The following WWC1 variants were observed in gnomAD, a reference collection of about 807,000 sequenced individuals.
The protein encoded by WWC1 is WW and C2 domain containing 1, also known as protein KIBRA.
In WWC1, 55 loss-of-function variants were observed where a neutral mutation model predicts 138.4. The observed-to-expected ratio is 0.40, with a 90% CI of 0.32 to 0.50. WWC1 has a LOEUF of 0.50. Among genes scored for constraint, WWC1 ranks in the 20% least tolerant of loss-of-function variants. WWC1 has a pLI of 0.72. For missense variants in WWC1, 1,226 were observed against 1,420.4 expected (o/e 0.86, Z 2.20); for synonymous variants, 524 against 564.9 (o/e 0.93, Z 1.03).
chr5:168,381,733 CGGGGGGTG>C (rs1017711826), intron 2 of WWC1, among the ~76,000 whole-genome samples: 1 of 142,242 alleles, frequency 7.0e-6, no homozygotes, highest in Non-Finnish European at 1.5e-5. Flanking sequence ...AAGTGTTCTT[CGGGGGGTG>C]GGGTGGGGTT....
chr5:168,364,035 C>T (rs1776097910), intron 1 of WWC1, among the ~76,000 whole-genome samples: 1 of 152,050 alleles, frequency 6.6e-6, no homozygotes, highest in Non-Finnish European at 1.5e-5. Context: ...GTTTGCAACC[C>T]ACATTTATCA....
chr5:168,400,525 C>T (rs941853750), intron 5 of WWC1, among the ~76,000 whole-genome samples: 1 of 152,184 alleles, frequency 6.6e-6, no homozygotes, highest in Non-Finnish European at 1.5e-5. Flanking sequence ...TGCCAGGGAA[C>T]CCCTGCAGTG....
At chr5:168,456,018 G>A (rs574689869) in intron 19 of WWC1, among the ~76,000 whole-genome samples, 58 of 152,242 alleles carry the variant, frequency 3.8e-4, no homozygotes, top group South Asian at 2.5e-3. Flanking sequence ...TTAAAAAGGC[G>A]GCCAGATGCA....
intron 2 of WWC1, among the ~76,000 whole-genome samples, chr5:168,375,250 G>T (rs999055760): frequency 6.6e-6 from 1 of 152,146 alleles, no homozygotes; most frequent in South Asian, 2.1e-4. Flanking sequence ...AGACAACAGA[G>T]GGTGGCAAGA....
At chr5:168,426,495 C>T (rs1781510333) in intron 11 of WWC1, among the ~76,000 whole-genome samples, 1 of 152,212 alleles carries the variant, frequency 6.6e-6, no homozygotes, top group Non-Finnish European at 1.5e-5. Flanking sequence ...TTCATGCCAT[C>T]TCCAGAAGCC....
intron 3 of WWC1, among the ~76,000 whole-genome samples, chr5:168,387,961 T>TAAAAAC (rs1046376750): frequency 3.9e-5 from 6 of 152,288 alleles, no homozygotes; most frequent in African/African-American, 1.2e-4. Flanking sequence ...CAGGTGTATA[T>TAAAAAC]AAAAACAAAA....
intron 3 of WWC1, 94 bp downstream of exon 3, chr5:168,385,508 C>T: frequency 3.2e-6 from 4 of 1,266,600 alleles, no homozygotes; most frequent in Non-Finnish European, 4.4e-6. Context: ...CTGCCCATTT[C>T]TCTTCACCTC....
At position 168,472,294 on chromosome 5, in the gene WWC1, T is replaced by A. The variant is rs192838450; in HGVS notation, c.*3277T>A. ...GAGAAATTTAAAAATAAATAAATGT[T>A]CACTTATAATTGTGCATGTGTCTTT... On this transcript the variant is annotated 3_prime_UTR_variant, in exon 23 of 23. Coordinates refer to ENST00000265293, the MANE Select transcript of WWC1 (RefSeq NM_015238.3). 1 of 152,278 alleles carries A rather than the reference T, an allele frequency of 6.6e-6. No homozygotes were observed. Among genetic ancestry groups the A allele is most frequent in the East Asian group, 1.9e-4 (1 of 5,186 alleles). The allele number at this position is 152,278 out of a possible 1,614,324, so 9.4% of individuals were successfully genotyped here.
intron 1 of WWC1, among the ~76,000 whole-genome samples, chr5:168,295,483 CGTGT>C (rs3138761): frequency 0.026 from 3,742 of 142,530 alleles, 162 homozygotes; most frequent in African/African-American, 0.09. Flanking sequence ...ATTTCTACTC[CGTGT>C]GTGTGTGTGT....
chr5:168,425,403 G>T (rs77397992), intron 11 of WWC1, among the ~76,000 whole-genome samples: 1 of 151,954 alleles, frequency 6.6e-6, no homozygotes, highest in Non-Finnish European at 1.5e-5. Flanking sequence ...GATATATAGC[G>T]TACAGGTGTT....
chr5:168,392,364 G>A (rs1287518949), intron 3 of WWC1, among the ~76,000 whole-genome samples: 1 of 152,116 alleles, frequency 6.6e-6, no homozygotes, highest in African/African-American at 2.4e-5. Flanking sequence ...CTGACATTGA[G>A]GATTCCTGGA....
In WWC1 at chr5:168,414,551, A is replaced by G. The variant is rs1225338417; in HGVS notation, c.1145A>G (p.Gln382Arg). Residue 382 changes from glutamine to arginine, a missense_variant, in exon 9 of 23, where the codon CAG becomes CGG. Coordinates refer to ENST00000265293, the MANE Select transcript of WWC1 (RefSeq NM_015238.3). Reference protein sequence around the residue: ...MARKRLEKDLQAARDTQSKAL... With the variant: ...MARKRLEKDLRAARDTQSKAL... ...CGGAAGCGGCTGGAAAAGGACCTGC[A>G]GGCAGCCCGGGACACCCAGAGCAAG... 15 of 1,553,634 alleles carry G rather than the reference A, an allele frequency of 9.7e-6. No homozygotes were observed. Among genetic ancestry groups the G allele is most frequent in the Non-Finnish European group, 1.3e-5 (15 of 1,148,666 alleles).
chr5:168,465,778 G>A (rs1035592493), intron 21 of WWC1, among the ~76,000 whole-genome samples: 2 of 151,784 alleles, frequency 1.3e-5, no homozygotes, highest in Non-Finnish European at 1.5e-5. Flanking sequence ...GGCTGGTCTC[G>A]AACTCCTGGG....
intron 17 of WWC1, among the ~76,000 whole-genome samples, chr5:168,451,777 AG>A (rs1310206046): frequency 6.6e-6 from 1 of 152,212 alleles, no homozygotes; most frequent in Non-Finnish European, 1.5e-5. Flanking sequence ...GTACACACCC[AG>A]TAGTAGAGTG....
chr5:168,452,007 G>GC (rs1427626101), intron 17 of WWC1, among the ~76,000 whole-genome samples: 1 of 145,168 alleles, frequency 6.9e-6, no homozygotes, highest in African/African-American at 2.6e-5. Flanking sequence ...TTGGGTTCAA[G>GC]CAATTGTCCT....
At chr5:168,336,199 C>T (rs937600771) in intron 1 of WWC1, among the ~76,000 whole-genome samples, 4 of 152,142 alleles carry the variant, frequency 2.6e-5, no homozygotes, top group African/African-American at 9.7e-5. Context: ...TTTCCAAAGG[C>T]CTTTCCAGTT....
chr5:168,389,337 C>T (rs1019336148), intron 3 of WWC1, among the ~76,000 whole-genome samples: 1 of 151,566 alleles, frequency 6.6e-6, no homozygotes, highest in African/African-American at 2.4e-5. Context: ...GTCCCAGCTA[C>T]TCGGGAGGCT....
intron 19 of WWC1, among the ~76,000 whole-genome samples, chr5:168,459,547 A>C (rs1272011338): frequency 6.6e-6 from 1 of 152,176 alleles, no homozygotes; most frequent in Non-Finnish European, 1.5e-5. Flanking sequence ...TCTGAGGATT[A>C]AATGAAACTG....
intron 1 of WWC1, among the ~76,000 whole-genome samples, chr5:168,334,027 G>A (rs1773247892): frequency 1.6e-5 from 2 of 126,824 alleles, no homozygotes; most frequent in African/African-American, 5.6e-5. Flanking sequence ...ACCAGCCTGG[G>A]CAGCTTAGCA....
Sources: allele counts gnomAD v4.1 joint callset (sites outside exome capture counted in the v4.1 genomes callset), GRCh38; gene constraint gnomAD v4.1.1; transcripts MANE v1.5; gene names NCBI Gene and HGNC (gene_info 2026-07-23, HGNC 2026-07-21).